Variants in UGT1A8 observed in about 807,000 individuals in gnomAD.
The protein encoded by UGT1A8 is UDP glucuronosyltransferase family 1 member A8.
A neutral mutation model predicts 45.3 loss-of-function variants in UGT1A8; 39 were observed. The observed-to-expected ratio is 0.86, with a 90% CI of 0.67 to 1.12. The LOEUF is 1.12. Ranked by LOEUF, UGT1A8 falls within the 50% of genes most tolerant of loss-of-function variation. UGT1A8 has a pLI of 0.00. For missense variants in UGT1A8, 719 were observed against 664.9 expected, an observed-to-expected ratio of 1.08 and a Z score of -0.90; for synonymous variants, 275 against 249.2, an observed-to-expected ratio of 1.10 and a Z score of -0.97.
chr2:233,698,796 G>C (rs896772598), intron 1 of UGT1A8, among the ~76,000 whole-genome samples: 1 of 152,162 alleles, frequency 6.6e-6, no homozygotes, highest in African/African-American at 2.4e-5. Context: ...GTAACCTCTG[G>C]GCTCCCAGCC....
intron 1 of UGT1A8, chr2:233,743,916 T>A: frequency 7.3e-7 from 1 of 1,364,598 alleles, no homozygotes; most frequent in South Asian, 1.1e-5. Context: ...TAGTCCACCA[T>A]GCTGGATGGC....
At chr2:233,659,137 T>A (rs1575406720) in intron 1 of UGT1A8, among the ~76,000 whole-genome samples, 1 of 152,340 alleles carries the variant, frequency 6.6e-6, no homozygotes, top group East Asian at 1.9e-4. Flanking sequence ...TTTCACATCT[T>A]TGATCAGATT....
intron 1 of UGT1A8, among the ~76,000 whole-genome samples, chr2:233,643,979 G>A (rs976363623): frequency 3.9e-5 from 6 of 152,218 alleles, no homozygotes; most frequent in Non-Finnish European, 8.8e-5. Flanking sequence ...GAAGGAAAGG[G>A]TCTCTTTTGG....
At chr2:233,684,022 G>A (rs1295589698) in intron 1 of UGT1A8, among the ~76,000 whole-genome samples, 1 of 152,174 alleles carries the variant, frequency 6.6e-6, no homozygotes, top group Non-Finnish European at 1.5e-5. Flanking sequence ...CTTGGCAAAT[G>A]CATAGTTGCT....
intron 1 of UGT1A8, among the ~76,000 whole-genome samples, chr2:233,627,340 T>A (rs1559313920): frequency 6.6e-6 from 1 of 152,032 alleles, no homozygotes; most frequent in Non-Finnish European, 1.5e-5. Flanking sequence ...ATTTTAAAGC[T>A]GAACCCCTTT....
intron 1 of UGT1A8, among the ~76,000 whole-genome samples, chr2:233,628,279 T>G (rs1442381832): frequency 2.0e-5 from 3 of 152,080 alleles, no homozygotes; most frequent in Admixed American, 6.6e-5. Context: ...GGCATAGCTT[T>G]AAAAATTTTT....
intron 1 of UGT1A8, among the ~76,000 whole-genome samples, chr2:233,703,618 A>G (rs1261282473): frequency 1.3e-5 from 2 of 151,894 alleles, no homozygotes; most frequent in Non-Finnish European, 2.9e-5. Flanking sequence ...AAAAAAGTCT[A>G]TTTTATCTGA....
At position 233,769,603 on chromosome 2, in the gene UGT1A8, G is replaced by T; in HGVS notation, c.1295+1164G>T. 1 of 1,612,818 alleles carries T rather than the reference G, an allele frequency of 6.2e-7. No individual in the cohort carries two copies. Among genetic ancestry groups the T allele is most frequent in the Non-Finnish European group, 8.5e-7 (1 of 1,179,870 alleles). On this transcript the variant is annotated intron_variant, in intron 4 of 4. Transcript: ENST00000373450. The surrounding 1 kb of genome is among the most constrained non-coding windows in gnomAD (Gnocchi z 4.4). Reference sequence around the variant, plus strand: ...CAGATGAGAGGAGACGGAACACGGGGACACACCAGCTTGAGCAAGGGACAA... The same window carrying T: ...CAGATGAGAGGAGACGGAACACGGGTACACACCAGCTTGAGCAAGGGACAA...
chr2:233,729,062 G>A (rs930563151), intron 1 of UGT1A8: 176 of 1,610,848 alleles, frequency 1.1e-4, no homozygotes, highest in Admixed American at 1.2e-4. Context: ...TAATTAAGAT[G>A]AAGAAAGCAA....
chr2:233,731,334 T>C (rs1331182525), intron 1 of UGT1A8, among the ~76,000 whole-genome samples: 1 of 151,782 alleles, frequency 6.6e-6, no homozygotes, highest in African/African-American at 2.4e-5. Context: ...TGTGCACAAA[T>C]TGCAGGTTTG....
At chr2:233,635,626 G>A (rs908315431) in intron 1 of UGT1A8, among the ~76,000 whole-genome samples, 6 of 150,674 alleles carry the variant, frequency 4.0e-5, no homozygotes, top group African/African-American at 9.8e-5. Flanking sequence ...TACAAACTAC[G>A]TCAAAGGCAA....
chr2:233,747,881 T>C, intron 1 of UGT1A8: 1 of 1,613,550 alleles, frequency 6.2e-7, no homozygotes, highest in Non-Finnish European at 8.5e-7. Context: ...TGTCCTACCT[T>C]TGCCATGCTC....
Position 233,769,905 on chromosome 2 carries a change from G to A in UGT1A8, c.1295+1466G>A. On this transcript the variant is annotated intron_variant, in intron 4 of 4. Coordinates refer to ENST00000373450, the MANE Select transcript of UGT1A8 (RefSeq NM_019076.5). The surrounding 1 kb of genome is among the most constrained non-coding windows in gnomAD (Gnocchi z 4.4). ...AGTCCACATAACCTGAGCATCATGTGCCCAGAGCGTTGGGTGGTGTGGTCC... is the reference window on the plus strand; with the variant it reads ...AGTCCACATAACCTGAGCATCATGTACCCAGAGCGTTGGGTGGTGTGGTCC... 1 of 322,682 alleles carries A rather than the reference G, an allele frequency of 3.1e-6. No individual in the cohort carries two copies. Among genetic ancestry groups the A allele is most frequent in the Admixed American group, 4.6e-5 (1 of 21,882 alleles). 20.0% of individuals were successfully genotyped at this position (322,682 alleles called of 1,614,324 possible).
At chr2:233,725,740 A>G (rs2077471611) in intron 1 of UGT1A8, among the ~76,000 whole-genome samples, 1 of 152,228 alleles carries the variant, frequency 6.6e-6, no homozygotes. Context: ...AAATGTAAAC[A>G]TTGTAAGAGA....
chr2:233,683,060 C>A (rs1310432947), intron 1 of UGT1A8, among the ~76,000 whole-genome samples: 6 of 152,048 alleles, frequency 3.9e-5, no homozygotes, highest in Admixed American at 2.6e-4. Context: ...TACAAAAAAA[C>A]CACAGTAAGA....
chr2:233,743,059 A>T (rs1424842143), intron 1 of UGT1A8: 1 of 324,044 alleles, frequency 3.1e-6, no homozygotes, highest in Non-Finnish European at 6.0e-6. Context: ...CCCAACGATA[A>T]GAACAGGTGT....
chr2:233,714,075 C>T (rs575529005), intron 1 of UGT1A8, among the ~76,000 whole-genome samples: 10 of 151,962 alleles, frequency 6.6e-5, no homozygotes, highest in Non-Finnish European at 8.8e-5. Context: ...GAGGCAGGGA[C>T]GAGGATCTGT....
intron 1 of UGT1A8, among the ~76,000 whole-genome samples, chr2:233,652,482 G>A (rs1023767672): frequency 6.6e-6 from 1 of 152,060 alleles, no homozygotes; most frequent in African/African-American, 2.4e-5. Flanking sequence ...TTCACTAAAT[G>A]TAAGAAATAA....
intron 1 of UGT1A8, among the ~76,000 whole-genome samples, chr2:233,635,596 A>T (rs1575389713): frequency 6.6e-6 from 1 of 150,810 alleles, no homozygotes; most frequent in Middle Eastern, 3.4e-3. Context: ...TTTGACCATG[A>T]TATATGGAGG....
Sources: gnomAD v4.1 joint callset for allele counts (sites outside exome capture counted in the v4.1 genomes callset) on GRCh38, gnomAD v4.1.1 for gene constraint, Gnocchi (gnomAD v3.1) non-coding constraint, MANE v1.5 for transcripts, NCBI Gene and HGNC (gene_info 2026-07-23, HGNC 2026-07-21) for gene names.